The following CADPS2 variants were observed in gnomAD, a reference collection of about 807,000 sequenced individuals.
The protein encoded by CADPS2 is calcium-dependent secretion activator 2.
CADPS2 carries 93 observed loss-of-function variants against 172.5 expected under a neutral mutation model. That is an observed-to-expected ratio of 0.54 (90% CI 0.46 to 0.64). The LOEUF (loss-of-function observed/expected upper bound fraction) is 0.64. Among genes scored for constraint, CADPS2 ranks in the 30% least tolerant of loss-of-function variants. The pLI, the probability that CADPS2 is intolerant of heterozygous loss-of-function variation, is 0.00. For missense variants in CADPS2, 1,420 were observed against 1,565.9 expected (o/e 0.91, Z 1.57); for synonymous variants, 546 against 555.2 (o/e 0.98, Z 0.23).
chr7:122,706,133 G>T, intron 2 of CADPS2, among the ~76,000 whole-genome samples: 1 of 70,146 alleles, frequency 1.4e-5, no homozygotes, highest in Non-Finnish European at 2.6e-5. Context: ...ATATATATAT[G>T]CTTATATATT....
intron 6 of CADPS2, among the ~76,000 whole-genome samples, chr7:122,582,787 T>A (rs947727309): frequency 6.6e-6 from 1 of 152,036 alleles, no homozygotes; most frequent in African/African-American, 2.4e-5. Flanking sequence ...CATTCTCTTA[T>A]AACTGAAATA....
intron 8 of CADPS2, among the ~76,000 whole-genome samples, chr7:122,541,733 T>A (rs530421092): frequency 1.4e-5 from 2 of 144,812 alleles, no homozygotes; most frequent in African/African-American, 2.5e-5. Context: ...TCATATATAT[T>A]TATTCATATA....
chr7:122,665,877 A>G (rs1319502236), intron 2 of CADPS2, among the ~76,000 whole-genome samples: 6 of 152,148 alleles, frequency 3.9e-5, no homozygotes, highest in Non-Finnish European at 8.8e-5. Context: ...TATGTTTTTA[A>G]GGCAACACAA....
At position 122,723,738 on chromosome 7, in the gene CADPS2, T is replaced by C. The variant is rs1242966355; in HGVS notation, c.453+13217A>G. 3.3e-5 allele frequency among the ~76,000 whole-genome samples: 5 copies of C among 152,290 alleles called. No individual in the cohort carries two copies. In the South Asian group the frequency reaches 6.2e-4, roughly 19 times the overall value. ...AAAGACACATGCACACATATGTTTATTGTGGCACCATTCACAATAGCAAAG... is the reference window on the plus strand; with the variant it reads ...AAAGACACATGCACACATATGTTTACTGTGGCACCATTCACAATAGCAAAG... On this transcript the variant is annotated intron_variant, in intron 2 of 29. Coordinates refer to ENST00000449022, the MANE Select transcript of CADPS2 (RefSeq NM_017954.11).
intron 1 of CADPS2, among the ~76,000 whole-genome samples, chr7:122,827,632 C>CA (rs34472895): frequency 0.45 from 61,930 of 137,008 alleles, 14,983 homozygotes; most frequent in African/African-American, 0.69. Context: ...AATTCCATCT[C>CA]AAAAAAAAAA....
chr7:122,417,423 A>G (rs1161615798), intron 17 of CADPS2, among the ~76,000 whole-genome samples: 1 of 152,214 alleles, frequency 6.6e-6, no homozygotes, highest in Non-Finnish European at 1.5e-5. Flanking sequence ...AATCAGTGTG[A>G]AACACCAAAT....
intron 1 of CADPS2, among the ~76,000 whole-genome samples, chr7:122,838,572 C>G (rs1394809186): frequency 2.0e-5 from 3 of 152,326 alleles, no homozygotes; most frequent in South Asian, 4.1e-4. Context: ...TAAGCAACTT[C>G]AGCAAAGTCT....
chr7:122,762,031 CACACA>C (rs2093404548), intron 1 of CADPS2, among the ~76,000 whole-genome samples: 4 of 39,540 alleles, frequency 1.0e-4, no homozygotes, highest in African/African-American at 3.5e-4. Context: ...TATATATATA[CACACA>C]CACACACACA....
chr7:122,406,523 T>A (rs538297806), intron 20 of CADPS2, among the ~76,000 whole-genome samples: 29 of 152,082 alleles, frequency 1.9e-4, no homozygotes, highest in Non-Finnish European at 3.7e-4. Flanking sequence ...GTTATTCAGG[T>A]CACATGGTGA....
intron 19 of CADPS2, among the ~76,000 whole-genome samples, chr7:122,412,191 TA>T (rs1183199778): frequency 1.3e-5 from 2 of 152,092 alleles, no homozygotes; most frequent in Non-Finnish European, 2.9e-5. Flanking sequence ...GAACCCATCC[TA>T]AAAAAAGATT....
At chr7:122,356,158 G>T (rs1288212950) in intron 27 of CADPS2, among the ~76,000 whole-genome samples, 1 of 151,912 alleles carries the variant, frequency 6.6e-6, no homozygotes, top group East Asian at 1.9e-4. Context: ...TATCATTCAG[G>T]ATACCACGTT....
chr7:122,881,759 G>C (rs1204665883), intron 1 of CADPS2, among the ~76,000 whole-genome samples: 1 of 152,126 alleles, frequency 6.6e-6, no homozygotes, highest in Non-Finnish European at 1.5e-5. Context: ...GTGTTACTTT[G>C]AATTCACTAG....
intron 1 of CADPS2, among the ~76,000 whole-genome samples, chr7:122,775,936 T>A (rs1269348461): frequency 6.6e-6 from 1 of 150,808 alleles, no homozygotes; most frequent in African/African-American, 2.5e-5. Context: ...TTCCTATAAG[T>A]TGTTTTCATT....
Position 122,701,902 on chromosome 7 carries a change from T to C in CADPS2, c.453+35053A>G, listed in dbSNP as rs753400672. 2.0e-5 allele frequency: 33 copies of C among 1,613,492 alleles called. No homozygotes were observed. The East Asian group carries it at 7.1e-4, about 35-fold the overall frequency. Reference sequence around the variant, plus strand: ...GGGCTAAAAGCCAGGGGTCAATGCATGCCTTATGGAAAAAATGTTTGCAAG... The same window carrying C: ...GGGCTAAAAGCCAGGGGTCAATGCACGCCTTATGGAAAAAATGTTTGCAAG... On this transcript the variant is annotated intron_variant, in intron 2 of 29. Transcript: ENST00000449022.
chr7:122,629,179 CT>C (rs1214595010), intron 4 of CADPS2, 68 bp downstream of exon 4: 9 of 1,259,950 alleles, frequency 7.1e-6, no homozygotes, highest in Admixed American at 4.8e-5. Context: ...ATACAAAACA[CT>C]TTTTCAGCTC....
intron 3 of CADPS2, among the ~76,000 whole-genome samples, chr7:122,649,475 T>C (rs1319001208): frequency 1.3e-5 from 2 of 152,290 alleles, no homozygotes; most frequent in East Asian, 3.9e-4. Context: ...CAATTCTCAC[T>C]GTGCACCAGC....
intron 27 of CADPS2, among the ~76,000 whole-genome samples, chr7:122,353,662 A>G (rs568987927): frequency 6.6e-6 from 1 of 152,326 alleles, no homozygotes; most frequent in East Asian, 1.9e-4. Flanking sequence ...AACTAGAATG[A>G]CAATAGAATA....
chr7:122,541,801 ATATATTTATATATTCATATG>A, intron 8 of CADPS2, among the ~76,000 whole-genome samples: 1 of 103,574 alleles, frequency 9.7e-6, no homozygotes, highest in East Asian at 2.9e-4. Context: ...ATATATTCAT[ATATATTTATATATTCATATG>A]TTTATATATT....
intron 8 of CADPS2, among the ~76,000 whole-genome samples, chr7:122,528,511 A>G (rs2061471190): frequency 6.6e-6 from 1 of 152,132 alleles, no homozygotes; most frequent in Non-Finnish European, 1.5e-5. Context: ...TCTCTCATGT[A>G]TCTTTATTTA....
Sources: allele counts gnomAD v4.1 joint callset (sites outside exome capture counted in the v4.1 genomes callset), GRCh38; gene constraint gnomAD v4.1.1; transcripts MANE v1.5; gene names NCBI Gene and HGNC (gene_info 2026-07-23, HGNC 2026-07-21).